The following PADI1 variants were observed in gnomAD, a reference collection of about 807,000 sequenced individuals.
PADI1 encodes the protein protein-arginine deiminase type-1.
PADI1 carries 65 observed loss-of-function variants against 74.8 expected under a neutral mutation model. The observed-to-expected ratio is 0.87, with a 90% confidence interval of 0.71 to 1.07. The LOEUF (loss-of-function observed/expected upper bound fraction) is 1.07, where lower values mean the gene tolerates loss of function less well. Ranked by LOEUF, PADI1 falls within the 50% of genes least tolerant of loss-of-function variation. The pLI is 0.00. For synonymous variants in PADI1, 371 were observed against 336.2 expected (o/e 1.10, Z -1.13); for missense variants, 943 against 854.0 (o/e 1.10, Z -1.30).
At chr1:17,224,703 GC>G (rs2100457430) in intron 4 of PADI1, among the ~76,000 whole-genome samples, 1 of 152,254 alleles carries the variant, frequency 6.6e-6, no homozygotes, top group African/African-American at 2.4e-5. Flanking sequence ...TTTTGTTGCT[GC>G]CTTTTTTATT....
At chr1:17,229,471 T>A (rs923646819) in intron 8 of PADI1, among the ~76,000 whole-genome samples, 6 of 152,216 alleles carry the variant, frequency 3.9e-5, no homozygotes, top group African/African-American at 1.4e-4. Flanking sequence ...CTCACCCAGC[T>A]TGCTGGTCCT....
intron 2 of PADI1, 90 bp downstream of exon 2, chr1:17,222,560 C>T: frequency 3.0e-6 from 3 of 1,002,854 alleles, no homozygotes; most frequent in Non-Finnish European, 4.6e-6. Context: ...CATTCCAAAG[C>T]TCCCCACTTA....
At chr1:17,227,089 C>T (rs146008290) in intron 6 of PADI1, among the ~76,000 whole-genome samples, 36 of 149,472 alleles carry the variant, frequency 2.4e-4, no homozygotes, top group African/African-American at 8.2e-4. Context: ...CCCAGCTACT[C>T]GGGAGGTTGA....
chr1:17,235,837 G>A (rs1413415129), intron 11 of PADI1, among the ~76,000 whole-genome samples: 1 of 152,156 alleles, frequency 6.6e-6, no homozygotes, highest in Non-Finnish European at 1.5e-5. Flanking sequence ...AGTGAGCCAA[G>A]CCAGGAACCT....
intron 6 of PADI1, among the ~76,000 whole-genome samples, chr1:17,227,819 G>T (rs185529699): frequency 6.6e-6 from 1 of 152,148 alleles, no homozygotes; most frequent in African/African-American, 2.4e-5. Context: ...GCAAAGTCTC[G>T]ACAAGTGAAT....
intron 15 of PADI1, among the ~76,000 whole-genome samples, chr1:17,241,927 G>C (rs143364382): frequency 0.017 from 2,556 of 148,678 alleles, 61 homozygotes; most frequent in African/African-American, 0.061. Context: ...ATCAGGGTTG[G>C]AAGTGAATGT....
At chr1:17,232,503 T>C (rs1465684692) in intron 10 of PADI1, among the ~76,000 whole-genome samples, 1 of 152,264 alleles carries the variant, frequency 6.6e-6, no homozygotes, top group Non-Finnish European at 1.5e-5. Flanking sequence ...CAGATTTTTA[T>C]GAATTTCACT....
Position 17,214,524 on chromosome 1 carries a change from T to C in PADI1, c.93-7766T>C, listed in dbSNP as rs558538677. On this transcript the variant is annotated intron_variant, in intron 1 of 15. Coordinates refer to ENST00000375471, the MANE Select transcript of PADI1 (RefSeq NM_013358.3). ...GAGGGGTGCTTTCAAATCTGTGACC[T>C]CACCTGACTGTGCATTTGGGGACAT... Among the ~76,000 whole-genome samples, 240 of 152,294 alleles carry C rather than the reference T, an allele frequency of 1.6e-3. 2 individuals carry two copies. The highest frequency in any genetic ancestry group is 2.6e-3 in the Non-Finnish European group (178 of 68,012).
chr1:17,241,244 A>G (rs753352284), intron 15 of PADI1, among the ~76,000 whole-genome samples: 51 of 152,150 alleles, frequency 3.4e-4, no homozygotes, highest in Non-Finnish European at 6.2e-4. Flanking sequence ...TTAACAGGGC[A>G]GCTGACAAGG....
chr1:17,239,607 TA>T lies in PADI1; in HGVS notation c.1553-96del, dbSNP rs2072729606. The T allele has an allele frequency of 3.4e-6, 3 of 889,720 alleles. No homozygotes were observed. The South Asian group carries it at 4.2e-5, about 12-fold the overall frequency. The allele number at this position is 889,720 out of a possible 1,614,324, so 55.1% of individuals were successfully genotyped here. A position where few individuals can be genotyped will look rare whatever the true frequency, so the allele number is the denominator to read the frequency against. ...CTGGCTTCTGACCCTGGCACTGAGG[TA>T]GGAGGGAAATCCTGGCCTGGATTAT... On this transcript the variant is annotated intron_variant, in intron 13 of 15. Coordinates refer to ENST00000375471, the MANE Select transcript of PADI1 (RefSeq NM_013358.3).
At position 17,226,109 on chromosome 1, in the gene PADI1, G is replaced by C. The variant is rs202004262; in HGVS notation, c.603G>C (p.Leu201Phe). ...DKLFDSHKLV[L>F]NVPFSDSKRV... ...TCTTCGACAGCCACAAGCTTGTCTTGAACGTGCCCTTTTCTGATTCCAAAA... is the reference window on the plus strand; with the variant it reads ...TCTTCGACAGCCACAAGCTTGTCTTCAACGTGCCCTTTTCTGATTCCAAAA... The change falls in exon 6 of 16, where the codon TTG (leucine) becomes TTC (phenylalanine). Residue 201 changes from leucine to phenylalanine, a missense_variant. By Grantham distance (22) the Leu-to-Phe change is conservative. Coordinates refer to ENST00000375471, the MANE Select transcript of PADI1 (RefSeq NM_013358.3). 7.4e-6 allele frequency: 12 copies of C among 1,614,208 alleles called. No homozygotes were observed. Among genetic ancestry groups the C allele is most frequent in the Non-Finnish European group, 1.0e-5 (12 of 1,180,038 alleles).
intron 1 of PADI1, 140 bp downstream of exon 1, chr1:17,205,449 G>A: frequency 2.8e-6 from 2 of 709,522 alleles, no homozygotes; most frequent in Non-Finnish European, 4.9e-6. Context: ...GTTGGCTGTG[G>A]AGTCTGGAAG....
intron 1 of PADI1, among the ~76,000 whole-genome samples, chr1:17,209,216 A>T (rs2071769794): frequency 6.6e-6 from 1 of 152,238 alleles, no homozygotes; most frequent in Non-Finnish European, 1.5e-5. Flanking sequence ...TACAGGATTG[A>T]CACTGACACT....
rs756764942 is a variant in PADI1 at position 17,228,990 on chromosome 1, C to T, written c.868C>T (p.Arg290Cys). 33 of 1,597,390 alleles carry T rather than the reference C, an allele frequency of 2.1e-5. No individual in the cohort carries two copies. Among genetic ancestry groups the T allele is most frequent in the Middle Eastern group, 1.7e-4 (1 of 6,052 alleles). Residue 290 changes from arginine (R) to cysteine (C), a missense_variant, in exon 8 of 16, where the codon CGC (arginine) becomes TGC (cysteine). Transcript: ENST00000375471. ...VTLFTDTVGF[R>C]MAPWIMTPNT... ...CCTCTTCACAGACACTGTGGGCTTC[C>T]GCATGGCCCCCTGGATCATGACGCC...
chr1:17,229,968 G>A (rs1319486655), intron 8 of PADI1, 117 bp from the exon 9 acceptor site: 2 of 929,572 alleles, frequency 2.2e-6, no homozygotes, highest in East Asian at 4.9e-5. Context: ...TCAAGGTCAT[G>A]AACTGGAACC....
Position 17,232,956 on chromosome 1 carries a change from G to A in PADI1, c.1299G>A (p.Gly433=), listed in dbSNP as rs369200641. 1.9e-6 allele frequency: 3 copies of A among 1,607,254 alleles called. No individual in the cohort carries two copies. The highest frequency in any genetic ancestry group is 1.1e-5 in the South Asian group (1 of 89,956). ...ACCCCCTGGGCCGGATCCTCATCGG[G>A]AGCAGCTTCCCCAAGTGAGGGGCTG... The part of the protein sequence containing the change: ...TEYPLGRILI[G]SSFPKSGGRQ... The change falls in exon 11 of 16, where the codon GGG becomes GGA. Residue 433 remains glycine (G), a synonymous_variant. Transcript: ENST00000375471.
At chr1:17,230,547 G>A (rs1199390408) in intron 9 of PADI1, 25 bp from the exon 10 acceptor site, 2 of 1,525,496 alleles carry the variant, frequency 1.3e-6, no homozygotes, top group East Asian at 2.3e-5. Flanking sequence ...AGGTCACTGT[G>A]GCTTTTTCAT....
intron 1 of PADI1, among the ~76,000 whole-genome samples, chr1:17,212,142 C>T (rs1024282684): frequency 2.6e-5 from 4 of 152,182 alleles, no homozygotes; most frequent in African/African-American, 9.6e-5. Context: ...CAGGCAGATC[C>T]CTGGCTCCAG....
intron 1 of PADI1, among the ~76,000 whole-genome samples, chr1:17,221,420 G>T (rs1308387092): frequency 6.8e-6 from 1 of 146,820 alleles, no homozygotes; most frequent in Admixed American, 7.0e-5. Context: ...AGTGAGCAGA[G>T]ACTGCACCAC....
Sources: gnomAD v4.1 joint callset for allele counts (sites outside exome capture counted in the v4.1 genomes callset) on GRCh38, gnomAD v4.1.1 for gene constraint, MANE v1.5 for transcripts, NCBI Gene and HGNC (gene_info 2026-07-23, HGNC 2026-07-21) for gene names.